Variants in REXO2 observed in about 807,000 individuals in gnomAD.
REXO2 encodes oligoribonuclease, mitochondrial.
Under a neutral mutation model 30.9 loss-of-function variants are expected in REXO2, and 17 were observed. The observed-to-expected ratio is 0.55, with a 90% CI of 0.38 to 0.82. The LOEUF is 0.82. Ranked by LOEUF, REXO2 falls within the 40% of genes least tolerant of loss-of-function variation. The pLI, the probability that REXO2 is intolerant of heterozygous loss-of-function variation, is 0.00. For missense variants in REXO2, 253 were observed against 293.2 expected, an observed-to-expected ratio of 0.86 and a Z score of 1.00; for synonymous variants, 105 against 99.6, an observed-to-expected ratio of 1.05 and a Z score of -0.32.
chr11:114,447,967 C>A (rs1946519674), intron 6 of REXO2, 88 bp downstream of exon 6: 2 of 989,590 alleles, frequency 2.0e-6, no homozygotes, highest in Middle Eastern at 2.2e-4. Context: ...TCCCTTAACT[C>A]TTTTTTCTCG....
intron 2 of REXO2, chr11:114,441,958 G>A (rs1225620831): frequency 1.6e-5 from 9 of 571,834 alleles, no homozygotes; most frequent in South Asian, 2.4e-5. Context: ...GTGAAGAGAA[G>A]TGTCTTTATT....
At chr11:114,443,135 G>A (rs897239394) in intron 2 of REXO2, among the ~76,000 whole-genome samples, 1 of 151,380 alleles carries the variant, frequency 6.6e-6, no homozygotes, top group African/African-American at 2.4e-5. Flanking sequence ...TTAAGAGATA[G>A]GGTCTCACCC....
At chr11:114,446,723 C>A (rs570202605) in intron 5 of REXO2, among the ~76,000 whole-genome samples, 10 of 152,252 alleles carry the variant, frequency 6.6e-5, no homozygotes, top group Admixed American at 5.2e-4. Flanking sequence ...AATCCCAAAG[C>A]ATTCATTAAT....
chr11:114,443,314 T>G (rs1357015597), intron 2 of REXO2, among the ~76,000 whole-genome samples: 2 of 151,214 alleles, frequency 1.3e-5, no homozygotes, highest in African/African-American at 2.4e-5. Flanking sequence ...AATGAGGTCT[T>G]GCTATGTTGC....
At chr11:114,443,957 T>C in intron 3 of REXO2, 24 bp downstream of exon 3, 1 of 1,560,348 alleles carries the variant, frequency 6.4e-7, no homozygotes, top group Non-Finnish European at 8.8e-7. Context: ...ATAACAGGAT[T>C]GCTGCTTTGG....
chr11:114,447,051 G>A (rs886551618), intron 5 of REXO2, among the ~76,000 whole-genome samples: 10 of 147,886 alleles, frequency 6.8e-5, no homozygotes, highest in African/African-American at 2.3e-4. Context: ...CCATTCTCCT[G>A]CCTCAGCCTC....
At chr11:114,444,392 A>G (rs890837560) in intron 3 of REXO2, 149 bp from the exon 4 acceptor site, 4 of 668,096 alleles carry the variant, frequency 6.0e-6, no homozygotes, top group African/African-American at 5.5e-5. Context: ...TGGTGCAAAG[A>G]TGGCAGTTGC....
chr11:114,440,939 TA>T, intron 2 of REXO2, 200 bp downstream of exon 2: 1 of 431,852 alleles, frequency 2.3e-6, no homozygotes, highest in Non-Finnish European at 4.1e-6. Context: ...AATTAAACAT[TA>T]TTTTTTAATT....
chr11:114,444,423 A>G, intron 3 of REXO2, 118 bp from the exon 4 acceptor site: 2 of 729,966 alleles, frequency 2.7e-6, no homozygotes, highest in South Asian at 3.2e-5. Flanking sequence ...TGAGCTCTAA[A>G]AATGGTCTAT....
chr11:114,439,811 GT>G (rs1946462689), intron 1 of REXO2, 136 bp downstream of exon 1: 2 of 1,087,958 alleles, frequency 1.8e-6, no homozygotes, highest in African/African-American at 3.2e-5. Context: ...GCCACGGGCG[GT>G]GCAGGGCAAG....
intron 1 of REXO2, 36 bp from the exon 2 acceptor site, chr11:114,440,620 G>T: frequency 6.7e-7 from 1 of 1,495,986 alleles, no homozygotes; most frequent in Non-Finnish European, 9.3e-7. Flanking sequence ...CAGAATGATG[G>T]CTTTGTGTGT....
Position 114,443,848 on chromosome 11 carries a change from A to G in REXO2, c.232-8A>G, listed in dbSNP as rs1303195585. The stretch of plus-strand genomic sequence containing the variant: ...TTCTTGGTGACTGATGGCGTTTCCC[A>G]TCCACAGGGTCCTAACCTGATTATA... On this transcript the variant is annotated splice_polypyrimidine_tract_variant and splice_region_variant and intron_variant, in intron 2 of 6. Transcript: ENST00000265881. The G allele has an allele frequency of 6.9e-6, 11 of 1,601,190 alleles. 1 individual carries two copies. Among genetic ancestry groups the G allele is most frequent in the South Asian group, 5.7e-5 (5 of 88,394 alleles).
At chr11:114,440,573 A>C in intron 1 of REXO2, 83 bp from the exon 2 acceptor site, 1 of 1,013,436 alleles carries the variant, frequency 9.9e-7, no homozygotes, top group Non-Finnish European at 1.5e-6. Context: ...ACTATGTTTG[A>C]GGGAATTCCT....
intron 2 of REXO2, 186 bp downstream of exon 2, chr11:114,440,925 T>C (rs979617579): frequency 4.5e-6 from 2 of 444,978 alleles, no homozygotes; most frequent in African/African-American, 4.1e-5. Flanking sequence ...TAGTGAAAAT[T>C]AAAAATTAAA....
rs1946534966 is a variant in REXO2 at position 114,449,938 on chromosome 11, T to C, written c.677T>C (p.Ile226Thr). 3 of 1,608,372 alleles carry C rather than the reference T, an allele frequency of 1.9e-6. No individual in the cohort carries two copies. The highest frequency in any genetic ancestry group is 2.7e-5 in the African/African-American group (2 of 74,642). Residue 226 changes from isoleucine to threonine, a missense_variant, in exon 7 of 7, where the codon ATT (isoleucine) becomes ACT (threonine). Coordinates refer to ENST00000265881, the MANE Select transcript of REXO2 (RefSeq NM_015523.4). ...AAAATAGATGAAAAGAAGAGGAAAATTATAGAAAATGGGGAAAATGAGAAG... is the reference window on the plus strand; with the variant it reads ...AAAATAGATGAAAAGAAGAGGAAAACTATAGAAAATGGGGAAAATGAGAAG... ...KKKIDEKKRK[I>T]IENGENEKTV...
chr11:114,447,695 C>G lies in REXO2; in HGVS notation c.531-131C>G, dbSNP rs1591212403. ...AGAGGAGAGGGTAGAAGATAGAGGC[C>G]CCGGCAAAGAAGCAACTTGAGAATC... On this transcript the variant is annotated intron_variant, in intron 5 of 6. Transcript: ENST00000265881. The G allele has an allele frequency of 5.2e-5, 34 of 650,602 alleles. No homozygotes were observed. The South Asian group carries it at 6.9e-4, about 13-fold the overall frequency. 40.3% of individuals were successfully genotyped at this position (650,602 alleles called of 1,614,324 possible).
At chr11:114,444,245 C>T (rs1301613288) in intron 3 of REXO2, 1 of 613,690 alleles carries the variant, frequency 1.6e-6, no homozygotes, top group African/African-American at 1.8e-5. Flanking sequence ...AGGGGGATTG[C>T]TGCTCTCCTG....
At position 114,443,204 on chromosome 11, in the gene REXO2, T is replaced by C. The variant is rs183779340; in HGVS notation, c.232-652T>C. Among the ~76,000 whole-genome samples, 287 of 152,172 alleles carry C rather than the reference T, an allele frequency of 1.9e-3. 1 individual carries two copies. Among genetic ancestry groups the C allele is most frequent in the African/African-American group, 5.9e-3 (247 of 41,520 alleles). ...TCACTGTAACCTCGAACTCCTGGGT[T>C]CAAGTGATCTTCCTGCCTCAGCCTC... On this transcript the variant is annotated intron_variant, in intron 2 of 6. Transcript: ENST00000265881.
chr11:114,439,545 T>G lies in REXO2; in HGVS notation c.17T>G (p.Leu6Arg). The change falls in exon 1 of 7, where the codon CTG (leucine) becomes CGG (arginine). Residue 6 changes from leucine to arginine, a missense_variant. Transcript: ENST00000265881. ...TCCCGGGTGATGCTAGGCGGCTCCC[T>G]GGGCTCCAGGCTGTTGCGGGGTGTA... is the stretch of plus-strand genomic sequence containing the variant. MLGGS[L>R]GSRLLRGVGG... 1 of 1,608,192 alleles carries G rather than the reference T, an allele frequency of 6.2e-7. No individual in the cohort carries two copies.
Sources: allele counts gnomAD v4.1 joint callset (sites outside exome capture counted in the v4.1 genomes callset), GRCh38; gene constraint gnomAD v4.1.1; transcripts MANE v1.5; gene names NCBI Gene and HGNC (gene_info 2026-07-23, HGNC 2026-07-21).